MGMT: variants seen among roughly 807,000 people sequenced by gnomAD.
The protein encoded by MGMT is O-6-methylguanine-DNA methyltransferase.
A neutral mutation model predicts 15.9 loss-of-function variants in MGMT; 14 were observed. The observed-to-expected ratio is 0.88, with a 90% CI of 0.58 to 1.37. MGMT has a LOEUF of 1.37. MGMT is among the 40% of genes most tolerant of loss of function. The probability of loss-of-function intolerance (pLI) is 0.00; values close to 1 mark genes in which losing one functional copy is unlikely to be tolerated. For missense variants in MGMT, 282 were observed against 268.1 expected (o/e 1.05, Z -0.36); for synonymous variants, 130 against 118.2 (o/e 1.10, Z -0.65).
At chr10:129,709,075 A>T (rs1281261887) in intron 3 of MGMT, among the ~76,000 whole-genome samples, 1 of 152,258 alleles carries the variant, frequency 6.6e-6, no homozygotes, top group Non-Finnish European at 1.5e-5. Context: ...CTGTGCAGCT[A>T]TAATGAACCA....
At chr10:129,627,424 AAAGAAAG>A in intron 2 of MGMT, among the ~76,000 whole-genome samples, 1 of 47,186 alleles carries the variant, frequency 2.1e-5, no homozygotes, top group East Asian at 1.3e-3. Context: ...CAAAAAAAAG[AAAGAAAG>A]AAAAAAGCAG....
chr10:129,706,344 A>G (rs1384050483), intron 2 of MGMT, among the ~76,000 whole-genome samples: 1 of 152,208 alleles, frequency 6.6e-6, no homozygotes, highest in African/African-American at 2.4e-5. Context: ...CCACATGTCC[A>G]GGCAAGTGAA....
At chr10:129,638,327 C>G (rs559088251) in intron 2 of MGMT, among the ~76,000 whole-genome samples, 18 of 150,488 alleles carry the variant, frequency 1.2e-4, no homozygotes, top group Middle Eastern at 3.5e-3. Flanking sequence ...CTTACATTCC[C>G]TCCAGGAAGA....
chr10:129,539,381 A>G (rs1176084388), intron 2 of MGMT, among the ~76,000 whole-genome samples: 1 of 152,110 alleles, frequency 6.6e-6, no homozygotes, highest in South Asian at 2.1e-4. Flanking sequence ...TCATTGAATT[A>G]CCATCAGTTG....
intron 1 of MGMT, among the ~76,000 whole-genome samples, chr10:129,470,664 G>A (rs970034638): frequency 7.9e-5 from 12 of 152,278 alleles, no homozygotes; most frequent in South Asian, 2.1e-4. Flanking sequence ...CTGCGCTCCC[G>A]AAGCTCCTCC....
chr10:129,675,497 G>A (rs576505145), intron 2 of MGMT, among the ~76,000 whole-genome samples: 5 of 152,302 alleles, frequency 3.3e-5, no homozygotes, highest in South Asian at 2.1e-4. Flanking sequence ...TAAGGCAGGC[G>A]TGGGCCCGTG....
intron 1 of MGMT, among the ~76,000 whole-genome samples, chr10:129,531,247 TG>T (rs1267755039): frequency 1.3e-5 from 2 of 152,102 alleles, no homozygotes; most frequent in Admixed American, 1.3e-4. Context: ...GGTATTACTG[TG>T]CGGGCTGTTG....
At chr10:129,643,536 C>G (rs1375214560) in intron 2 of MGMT, among the ~76,000 whole-genome samples, 1 of 152,130 alleles carries the variant, frequency 6.6e-6, no homozygotes, top group Non-Finnish European at 1.5e-5. Context: ...AGTCGAGCTC[C>G]ACCTTCTTCA....
At chr10:129,483,698 A>G (rs1485350653) in intron 1 of MGMT, among the ~76,000 whole-genome samples, 1 of 151,798 alleles carries the variant, frequency 6.6e-6, no homozygotes, top group Non-Finnish European at 1.5e-5. Context: ...TCTCTTTGTC[A>G]CTTGTTTTCA....
intron 2 of MGMT, among the ~76,000 whole-genome samples, chr10:129,604,873 C>G (rs949439956): frequency 6.6e-6 from 1 of 152,122 alleles, no homozygotes; most frequent in Non-Finnish European, 1.5e-5. Flanking sequence ...TAGTCTGCTT[C>G]GGGCTGCGTC....
At chr10:129,510,744 G>T (rs1386996846) in intron 1 of MGMT, among the ~76,000 whole-genome samples, 1 of 152,180 alleles carries the variant, frequency 6.6e-6, no homozygotes, top group African/African-American at 2.4e-5. Flanking sequence ...GCAGGCATGT[G>T]CTTCCCATGA....
At chr10:129,635,446 G>T (rs1401788922) in intron 2 of MGMT, among the ~76,000 whole-genome samples, 1 of 152,084 alleles carries the variant, frequency 6.6e-6, no homozygotes, top group African/African-American at 2.4e-5. Flanking sequence ...TTCTTCCTTG[G>T]TTTTCTGTCA....
intron 2 of MGMT, among the ~76,000 whole-genome samples, chr10:129,642,375 A>T (rs963759696): frequency 6.6e-6 from 1 of 152,162 alleles, no homozygotes; most frequent in African/African-American, 2.4e-5. Flanking sequence ...TTTGAAAATG[A>T]TGTTCCCAGG....
chr10:129,655,236 G>A (rs1315088956), intron 2 of MGMT, among the ~76,000 whole-genome samples: 1 of 152,230 alleles, frequency 6.6e-6, no homozygotes, highest in Non-Finnish European at 1.5e-5. Flanking sequence ...CACTGCCGTG[G>A]TTTCCTGTGT....
intron 2 of MGMT, among the ~76,000 whole-genome samples, chr10:129,695,918 A>C (rs1380781080): frequency 3.9e-5 from 6 of 152,154 alleles, no homozygotes; most frequent in Non-Finnish European, 2.9e-5. Flanking sequence ...GGGCTGTTCC[A>C]TGTGACAGCA....
chr10:129,727,827 G>A (rs531076346), intron 3 of MGMT, among the ~76,000 whole-genome samples: 1 of 152,360 alleles, frequency 6.6e-6, no homozygotes, highest in African/African-American at 2.4e-5. Flanking sequence ...TCAGCTGTGT[G>A]GGCTGGGGAG....
chr10:129,589,226 C>G (rs1293208468), intron 2 of MGMT, among the ~76,000 whole-genome samples: 2 of 152,322 alleles, frequency 1.3e-5, no homozygotes, highest in East Asian at 3.9e-4. Flanking sequence ...GGCCTTAATT[C>G]TGTGTTCTGG....
intron 3 of MGMT, 147 bp downstream of exon 3, chr10:129,708,190 C>CG (rs1848190245): frequency 9.1e-7 from 1 of 1,095,002 alleles, no homozygotes; most frequent in Non-Finnish European, 1.3e-6. Flanking sequence ...GCTGGAGGGA[C>CG]GGGGGTTCGC....
chr10:129,669,129 T>C (rs1247632016), intron 2 of MGMT, among the ~76,000 whole-genome samples: 2 of 152,220 alleles, frequency 1.3e-5, no homozygotes, highest in East Asian at 3.8e-4. Context: ...ATAGAAGATT[T>C]AAAATTATAG....
Sources: allele counts gnomAD v4.1 joint callset (sites outside exome capture counted in the v4.1 genomes callset), GRCh38; gene constraint gnomAD v4.1.1; transcripts MANE v1.5; gene names NCBI Gene and HGNC (gene_info 2026-07-23, HGNC 2026-07-21).